The following PLXNA2 variants were observed in gnomAD, a reference collection of about 807,000 sequenced individuals.
PLXNA2 encodes the protein plexin A2.
A neutral mutation model predicts 193.5 loss-of-function variants in PLXNA2; 91 were observed. That is an observed-to-expected ratio of 0.47 (90% CI 0.40 to 0.56). The LOEUF is 0.56. Ranked by LOEUF, PLXNA2 falls within the 20% of genes least tolerant of loss-of-function variation. The pLI, the probability that PLXNA2 is intolerant of heterozygous loss-of-function variation, is 0.00. For synonymous variants in PLXNA2, 997 were observed against 1,027.3 expected, an observed-to-expected ratio of 0.97 and a Z score of 0.56; for missense variants, 1,995 against 2,503.2, an observed-to-expected ratio of 0.80 and a Z score of 4.33.
At chr1:208,208,011 G>T (rs980949966) in intron 3 of PLXNA2, among the ~76,000 whole-genome samples, 3 of 152,266 alleles carry the variant, frequency 2.0e-5, no homozygotes, top group African/African-American at 7.2e-5. Context: ...TGTCCGTCAG[G>T]GTTTCAATAA....
chr1:208,054,834 G>A (rs376466864), intron 13 of PLXNA2, among the ~76,000 whole-genome samples: 5 of 152,206 alleles, frequency 3.3e-5, no homozygotes, highest in East Asian at 3.9e-4. Flanking sequence ...CATGCCTAGC[G>A]CAGTGCCTGG....
At chr1:208,187,579 C>T (rs1480140009) in intron 3 of PLXNA2, among the ~76,000 whole-genome samples, 10 of 152,208 alleles carry the variant, frequency 6.6e-5, no homozygotes, top group African/African-American at 2.4e-4. Flanking sequence ...CTGAAACTCT[C>T]ACAAGATAAA....
chr1:208,106,845 C>G (rs1031984898), intron 4 of PLXNA2, among the ~76,000 whole-genome samples: 1 of 152,158 alleles, frequency 6.6e-6, no homozygotes, highest in African/African-American at 2.4e-5. Flanking sequence ...GGAGTATACA[C>G]AGTATGTGTC....
At chr1:208,112,821 C>T (rs1475624242) in intron 4 of PLXNA2, among the ~76,000 whole-genome samples, 7 of 151,936 alleles carry the variant, frequency 4.6e-5, no homozygotes, top group Admixed American at 2.6e-4. Context: ...TTAAGCTCAG[C>T]GTGCTAAGGA....
intron 1 of PLXNA2, among the ~76,000 whole-genome samples, chr1:208,220,449 T>C (rs1671292671): frequency 6.6e-6 from 1 of 152,096 alleles, no homozygotes; most frequent in African/African-American, 2.4e-5. Flanking sequence ...ATTATTATTA[T>C]TGAGACAGAG....
At chr1:208,183,393 G>A (rs1263822696) in intron 3 of PLXNA2, among the ~76,000 whole-genome samples, 3 of 152,220 alleles carry the variant, frequency 2.0e-5, no homozygotes, top group African/African-American at 7.2e-5. Context: ...CTCAGCAGGG[G>A]ATGGGGGAGT....
intron 3 of PLXNA2, among the ~76,000 whole-genome samples, chr1:208,148,646 G>A (rs1197573009): frequency 3.9e-5 from 6 of 152,230 alleles, no homozygotes; most frequent in African/African-American, 1.4e-4. Flanking sequence ...GCAGATACGT[G>A]ATAAAGGATA....
chr1:208,143,655 G>C (rs79500229), intron 3 of PLXNA2, among the ~76,000 whole-genome samples: 1,780 of 151,892 alleles, frequency 0.012, 54 homozygotes, highest in East Asian at 0.092. Flanking sequence ...CCCATCTCTA[G>C]CTCAAGCCCC....
intron 4 of PLXNA2, among the ~76,000 whole-genome samples, chr1:208,109,724 T>G (rs577680792): frequency 6.6e-6 from 1 of 152,232 alleles, no homozygotes; most frequent in African/African-American, 2.4e-5. Context: ...TGGGACTGAC[T>G]GTTCGCTCTT....
intron 9 of PLXNA2, among the ~76,000 whole-genome samples, chr1:208,091,659 T>G (rs1305928139): frequency 6.6e-6 from 1 of 151,910 alleles, no homozygotes; most frequent in Non-Finnish European, 1.5e-5. Flanking sequence ...GATCATGAGG[T>G]CAAGAGATCG....
chr1:208,034,594 T>G lies in PLXNA2; in HGVS notation c.4765-2A>C. Reference sequence around the variant, plus strand: ...AGCCACCACCGACCTGTCTGACACCTGAGAAGGGTACAAAAGGTACAGTAC... The same window carrying G: ...AGCCACCACCGACCTGTCTGACACCGGAGAAGGGTACAAAAGGTACAGTAC... On this transcript the variant is annotated splice_acceptor_variant, in intron 26 of 31. Coordinates refer to ENST00000367033, the MANE Select transcript of PLXNA2 (RefSeq NM_025179.4). LOFTEE classifies it high-confidence loss of function. 6.3e-7 allele frequency: 1 copy of G among 1,595,048 alleles called. No homozygotes were observed. The highest frequency in any genetic ancestry group is 8.6e-7 in the Non-Finnish European group (1 of 1,162,606).
At chr1:208,039,085 C>A in intron 24 of PLXNA2, 101 bp from the exon 25 acceptor site, 1 of 1,068,150 alleles carries the variant, frequency 9.4e-7, no homozygotes, top group Non-Finnish European at 1.4e-6. Context: ...AGTTCACCCT[C>A]CTTATAGGGG....
rs576158923 is a variant in PLXNA2, at chr1:208,191,454, G to C, written c.1371+18826C>G. ...TCGTGGCGCGTACTGAGGGGAGGGA[G>C]AGAGAAAAGAAAAAGGACAATTATA... On this transcript the variant is annotated intron_variant, in intron 3 of 31. Coordinates refer to ENST00000367033, the MANE Select transcript of PLXNA2 (RefSeq NM_025179.4). Among the ~76,000 whole-genome samples the C allele has an allele frequency of 2.6e-5, 4 of 152,286 alleles. No individual in the cohort carries two copies. The East Asian group carries it at 5.8e-4, about 22-fold the overall frequency.
intron 12 of PLXNA2, among the ~76,000 whole-genome samples, chr1:208,072,395 G>A (rs979783387): frequency 6.6e-6 from 1 of 152,178 alleles, no homozygotes; most frequent in Admixed American, 6.5e-5. Flanking sequence ...CTTAAGGGTG[G>A]TGGGTTCCTG....
chr1:208,039,363 A>G (rs1664782091), intron 24 of PLXNA2, among the ~76,000 whole-genome samples: 1 of 151,948 alleles, frequency 6.6e-6, no homozygotes, highest in Non-Finnish European at 1.5e-5. Context: ...TCATAATACC[A>G]ATTACCCAAT....
intron 1 of PLXNA2, among the ~76,000 whole-genome samples, chr1:208,237,567 C>A (rs1382247248): frequency 6.6e-6 from 1 of 152,130 alleles, no homozygotes; most frequent in Admixed American, 6.5e-5. Flanking sequence ...CAGAGAAGAA[C>A]GAGGGGAAAA....
In PLXNA2 at chr1:208,060,549, G is replaced by A. The variant is rs1338302166; in HGVS notation, c.2738+137C>T. ...GTGAGGGAGGAGGGGGCCCTGGGGA[G>A]GCTTCTGGGGCAGGTCCATGGGAGG... On this transcript the variant is annotated intron_variant, in intron 13 of 31. Coordinates refer to ENST00000367033, the MANE Select transcript of PLXNA2 (RefSeq NM_025179.4). The A allele has an allele frequency of 5.3e-5, 43 of 805,772 alleles. No individual in the cohort carries two copies. The East Asian group carries it at 1.1e-3, about 20-fold the overall frequency. The allele number at this position is 805,772 out of a possible 1,614,324, so 49.9% of individuals were successfully genotyped here.
At chr1:208,121,705 T>G (rs2102450281) in intron 4 of PLXNA2, among the ~76,000 whole-genome samples, 1 of 152,282 alleles carries the variant, frequency 6.6e-6, no homozygotes, top group East Asian at 1.9e-4. Context: ...GTCTCGAGCA[T>G]TTCTTTATAG....
At chr1:208,181,768 AGGGAT>A (rs911785444) in intron 3 of PLXNA2, among the ~76,000 whole-genome samples, 3 of 152,206 alleles carry the variant, frequency 2.0e-5, no homozygotes, top group Admixed American at 2.0e-4. Context: ...GATGAGGTCC[AGGGAT>A]GGGAAGTGGC....
Sources: allele counts gnomAD v4.1 joint callset (sites outside exome capture counted in the v4.1 genomes callset), GRCh38; gene constraint gnomAD v4.1.1; transcripts MANE v1.5; gene names NCBI Gene and HGNC (gene_info 2026-07-23, HGNC 2026-07-21).